The following EPS15L1 variants were observed in gnomAD, a reference collection of about 807,000 sequenced individuals.
EPS15L1 encodes epidermal growth factor receptor pathway substrate 15 like 1.
A neutral mutation model predicts 117.1 loss-of-function variants in EPS15L1; 43 were observed. The observed-to-expected ratio is 0.37, with a 90% CI of 0.29 to 0.47. EPS15L1 has a LOEUF of 0.47. Ranked by LOEUF, EPS15L1 falls within the 20% of genes least tolerant of loss-of-function variation. EPS15L1 has a pLI of 0.99. For missense variants in EPS15L1, 981 were observed against 1,164.0 expected, an observed-to-expected ratio of 0.84 and a Z score of 2.29; for synonymous variants, 459 against 470.5, an observed-to-expected ratio of 0.98 and a Z score of 0.32.
chr19:16,442,278 G>A (rs373479180), intron 1 of EPS15L1, 59 bp from the exon 2 acceptor site: 4 of 1,493,064 alleles, frequency 2.7e-6, no homozygotes, highest in African/African-American at 1.4e-5. Context: ...GGGAAAAAAA[G>A]GGTTGCCCCC....
chr19:16,413,223 C>A, intron 13 of EPS15L1: 2 of 645,032 alleles, frequency 3.1e-6, no homozygotes, highest in South Asian at 3.3e-5. Context: ...GATCAGCAAA[C>A]CCCACATTGT....
chr19:16,364,802 G>A (rs1385185357), intron 22 of EPS15L1, among the ~76,000 whole-genome samples: 1 of 152,142 alleles, frequency 6.6e-6, no homozygotes, highest in Non-Finnish European at 1.5e-5. Flanking sequence ...GAGGGTGGGC[G>A]AGGGCCCCTC....
chr19:16,417,357 G>C (rs1356949441), intron 12 of EPS15L1, 195 bp downstream of exon 12: 1 of 577,922 alleles, frequency 1.7e-6, no homozygotes, highest in African/African-American at 1.9e-5. Flanking sequence ...CTCTGGCTGA[G>C]GCTGATTCAA....
chr19:16,355,459 C>T lies in EPS15L1; in HGVS notation c.*246G>A. The T allele has an allele frequency of 4.2e-6, 2 of 476,066 alleles. No individual in the cohort carries two copies. Among genetic ancestry groups the T allele is most frequent in the East Asian group, 6.4e-5 (2 of 31,142 alleles). The allele number at this position is 476,066 out of a possible 1,614,324, so 29.5% of individuals were successfully genotyped here. A position where few individuals can be genotyped will look rare whatever the true frequency, so the allele number is the denominator to read the frequency against. On this transcript the variant is annotated 3_prime_UTR_variant, in exon 24 of 24. Coordinates refer to ENST00000455140, the MANE Select transcript of EPS15L1 (RefSeq NM_001258374.3). ...CAGAGGAAGAGCGGGAGGCAGTCAGCCCCGGGGGGGATGGCACAGTGGAGA... is the reference window on the plus strand; with the variant it reads ...CAGAGGAAGAGCGGGAGGCAGTCAGTCCCGGGGGGGATGGCACAGTGGAGA...
At chr19:16,424,577 G>A (rs897750051) in intron 9 of EPS15L1, among the ~76,000 whole-genome samples, 30 of 152,034 alleles carry the variant, frequency 2.0e-4, no homozygotes, top group African/African-American at 3.6e-4. Context: ...TTGGGAGGCC[G>A]AGGCAGGAGG....
intron 11 of EPS15L1, 127 bp downstream of exon 11, chr19:16,417,820 CT>C: frequency 5.8e-6 from 8 of 1,385,502 alleles, no homozygotes; most frequent in East Asian, 2.3e-5. Context: ...CCGGGGGCCC[CT>C]GTTGAGGAAG....
chr19:16,433,962 C>CATACATAAATAA (rs2092954185), intron 7 of EPS15L1, among the ~76,000 whole-genome samples: 2 of 148,974 alleles, frequency 1.3e-5, no homozygotes, highest in African/African-American at 5.0e-5. Flanking sequence ...GACTCCATCT[C>CATACATAAATAA]ATAAATAAAT....
intron 1 of EPS15L1, among the ~76,000 whole-genome samples, chr19:16,453,586 G>A (rs139958771): frequency 6.6e-6 from 1 of 152,064 alleles, no homozygotes; most frequent in East Asian, 1.9e-4. Context: ...GGTGGCAGGC[G>A]CCTGCAGTCC....
chr19:16,355,912 G>A, intron 23 of EPS15L1, 61 bp from the exon 24 acceptor site: 1 of 1,515,206 alleles, frequency 6.6e-7, no homozygotes, highest in Non-Finnish European at 8.8e-7. Context: ...GCAAGCTGGA[G>A]GGAGGCAGGG....
chr19:16,361,091 CAG>C (rs1186350208), intron 23 of EPS15L1, among the ~76,000 whole-genome samples: 1 of 152,194 alleles, frequency 6.6e-6, no homozygotes, highest in Non-Finnish European at 1.5e-5. Context: ...TTTTTTCACA[CAG>C]AGAAAAACAA....
At chr19:16,455,523 A>G (rs1011535711) in intron 1 of EPS15L1, among the ~76,000 whole-genome samples, 1 of 152,184 alleles carries the variant, frequency 6.6e-6, no homozygotes, top group Non-Finnish European at 1.5e-5. Context: ...GCTGAGCCCT[A>G]AACGTCTTCA....
At chr19:16,416,693 G>A (rs563650174) in intron 12 of EPS15L1, among the ~76,000 whole-genome samples, 25 of 151,850 alleles carry the variant, frequency 1.6e-4, no homozygotes, top group South Asian at 1.5e-3. Flanking sequence ...CTAGCTACTC[G>A]GGAGGCTGAG....
At chr19:16,448,570 G>A (rs546442079) in intron 1 of EPS15L1, among the ~76,000 whole-genome samples, 7 of 151,034 alleles carry the variant, frequency 4.6e-5, no homozygotes, top group African/African-American at 9.8e-5. Flanking sequence ...AAGGCCGGGC[G>A]CGGTGGCTCA....
chr19:16,451,715 G>C (rs796871907), intron 1 of EPS15L1, among the ~76,000 whole-genome samples: 19 of 151,464 alleles, frequency 1.3e-4, no homozygotes, highest in African/African-American at 4.6e-4. Flanking sequence ...TTTTTTAGTA[G>C]AGACAGGGTT....
In EPS15L1 at chr19:16,444,284, A is replaced by C. The variant is rs182113518; in HGVS notation, c.34-2065T>G. On this transcript the variant is annotated intron_variant, in intron 1 of 23. Transcript: ENST00000455140. The stretch of plus-strand genomic sequence containing the variant: ...GATTTAGGAGCCATCATTTTAAAAC[A>C]GACAAAGACATCATGGAAAAGACAT... Among the ~76,000 whole-genome samples the C allele has an allele frequency of 1.0e-3, 155 of 152,234 alleles. 2 individuals are homozygous for C. Among genetic ancestry groups the C allele is most frequent in the South Asian group, 7.0e-3 (34 of 4,826 alleles).
At chr19:16,401,216 G>C in intron 16 of EPS15L1, 1 of 985,528 alleles carries the variant, frequency 1.0e-6, no homozygotes, top group Non-Finnish European at 1.2e-6. Flanking sequence ...GCGGGGGCCA[G>C]ACACAAGAGA....
At chr19:16,402,637 C>T (rs2092614334) in intron 15 of EPS15L1, 152 bp from the exon 16 acceptor site, 5 of 645,456 alleles carry the variant, frequency 7.7e-6, no homozygotes, top group Non-Finnish European at 1.2e-5. Flanking sequence ...GAGCTCCTGA[C>T]CTCAGGAGCT....
At position 16,383,521 on chromosome 19, in the gene EPS15L1, T is replaced by C. The variant is rs2092386149; in HGVS notation, c.2247+1608A>G. On this transcript the variant is annotated intron_variant, in intron 21 of 23. Coordinates refer to ENST00000455140, the MANE Select transcript of EPS15L1 (RefSeq NM_001258374.3). The surrounding 1 kb of genome is among the most constrained non-coding windows in gnomAD (Gnocchi z 5.2). ...AGGAGCCTGTGCACTGGGCCCTAAA[T>C]CTTCTGCCAGTCCCAAACCGTGTCA... The C allele has an allele frequency of 6.6e-6, 1 of 152,146 alleles. No individual in the cohort carries two copies. Among genetic ancestry groups the C allele is most frequent in the Non-Finnish European group, 1.5e-5 (1 of 68,022 alleles). The allele number at this position is 152,146 out of a possible 1,614,324, so 9.4% of individuals were successfully genotyped here. A position where few individuals can be genotyped will look rare whatever the true frequency, so the allele number is the denominator to read the frequency against.
Position 16,442,133 on chromosome 19 carries a change from C to G in EPS15L1, c.75+45G>C, listed in dbSNP as rs772090450. 9 of 1,573,810 alleles carry G rather than the reference C, an allele frequency of 5.7e-6. No individual in the cohort carries two copies. In the African/African-American group the frequency reaches 1.2e-4, roughly 21 times the overall value. On this transcript the variant is annotated intron_variant, in intron 2 of 23. Coordinates refer to ENST00000455140, the MANE Select transcript of EPS15L1 (RefSeq NM_001258374.3). ...TCTATTCTGTACTGTGCTTTCAGCTCAGGCATGCTCTAGTTCCATCTGAAG... is the reference window on the plus strand; with the variant it reads ...TCTATTCTGTACTGTGCTTTCAGCTGAGGCATGCTCTAGTTCCATCTGAAG...
Sources: gnomAD v4.1 joint callset for allele counts (sites outside exome capture counted in the v4.1 genomes callset) on GRCh38, gnomAD v4.1.1 for gene constraint, Gnocchi (gnomAD v3.1) non-coding constraint, MANE v1.5 for transcripts, NCBI Gene and HGNC (gene_info 2026-07-23, HGNC 2026-07-21) for gene names.